SYDE2: variants seen among roughly 807,000 people sequenced by gnomAD.
SYDE2 encodes synapse defective Rho GTPase homolog 2.
SYDE2 carries 76 observed loss-of-function variants against 91.5 expected under a neutral mutation model. The ratio of observed to expected loss-of-function variants is 0.83; its 90% CI spans 0.69 to 1.01. The LOEUF (loss-of-function observed/expected upper bound fraction) is 1.01, where lower values mean the gene tolerates loss of function less well. Ranked by LOEUF, SYDE2 falls within the 50% of genes least tolerant of loss-of-function variation. The pLI, the probability that SYDE2 is intolerant of heterozygous loss-of-function variation, is 0.00. For synonymous variants in SYDE2, 513 were observed against 506.4 expected (o/e 1.01, Z -0.18); for missense variants, 1,364 against 1,367.7 (o/e 1.00, Z 0.04).
In SYDE2 at chr1:85,164,518, T is replaced by C; in HGVS notation, c.3085+8A>G. 6.5e-7 allele frequency: 1 copy of C among 1,546,402 alleles called. No individual in the cohort carries two copies. The highest frequency in any genetic ancestry group is 1.4e-5 in the African/African-American group (1 of 72,564). On this transcript the variant is annotated splice_region_variant and intron_variant, in intron 6 of 6. Coordinates refer to ENST00000341460, the MANE Select transcript of SYDE2 (RefSeq NM_032184.2). ...GAAAGTGAAAAACATTTCCATAGAA[T>C]CATTTACCTGGCCAGAGTTGGAGTA...
intron 3 of SYDE2, among the ~76,000 whole-genome samples, chr1:85,179,415 A>G (rs1296910782): frequency 6.6e-6 from 1 of 152,220 alleles, no homozygotes; most frequent in African/African-American, 2.4e-5. Flanking sequence ...AGAAAGTGTC[A>G]ATAGATACAG....
chr1:85,158,825 T>C lies in SYDE2; in HGVS notation c.3510A>G (p.Leu1170=). The C allele has an allele frequency of 1.3e-6, 1 of 774,946 alleles. No homozygotes were observed. The highest frequency in any genetic ancestry group is 2.4e-6 in the Non-Finnish European group (1 of 416,202). The allele number at this position is 774,946 out of a possible 1,614,324, so 48.0% of individuals were successfully genotyped here. ...TVDRKNNLKD[L]QESIDTLIGN... ...CAATCAAAGTATCAATACTTTCTTG[T>C]AGATCTTTGAGATTGTTTTTTCGAT... is the stretch of plus-strand genomic sequence containing the variant. The change falls in exon 7 of 7, where the codon CTA becomes CTG. Residue 1170 remains leucine, a synonymous_variant. Transcript: ENST00000341460.
downstream of SYDE2, among the ~76,000 whole-genome samples, chr1:85,155,484 T>A (rs1656860208): frequency 2.0e-5 from 3 of 148,212 alleles, no homozygotes; most frequent in South Asian, 6.3e-4. Context: ...ATTGAAAGAT[T>A]TTTTTTAAAA....
chr1:85,190,124 C>G lies in SYDE2; in HGVS notation c.1374G>C (p.Lys458Asn), dbSNP rs1373202768. The G allele has an allele frequency of 1.2e-6, 2 of 1,613,948 alleles. No individual in the cohort carries two copies. Among genetic ancestry groups the G allele is most frequent in the Non-Finnish European group, 1.7e-6 (2 of 1,179,870 alleles). Reference sequence around the variant, plus strand: ...TACCTTCTTGTGTCTTGTGTCCTAGCTTTTGCTTGTACTGCTGCACAAATT... The same window carrying G: ...TACCTTCTTGTGTCTTGTGTCCTAGGTTTTGCTTGTACTGCTGCACAAATT... ...STEFVQQYKQ[K>N]LGHKTQEGIM... The change falls in exon 2 of 7, where the codon AAG (lysine) becomes AAC (asparagine). Residue 458 changes from lysine to asparagine, a missense_variant. Transcript: ENST00000341460.
At chr1:85,176,448 A>G (rs1012036258) in intron 4 of SYDE2, among the ~76,000 whole-genome samples, 24 of 152,304 alleles carry the variant, frequency 1.6e-4, no homozygotes, top group South Asian at 4.1e-4. Flanking sequence ...ACAGTCATTC[A>G]GCACTCAAAG....
At chr1:85,155,009 C>CAAAAAAAAAAAAAAAAAAAAAAAA, downstream of SYDE2, among the ~76,000 whole-genome samples, 3 of 80,670 alleles carry the variant, frequency 3.7e-5, no homozygotes, top group Admixed American at 1.2e-4. Context: ...AAGAATGCAG[C>CAAAAAAAAAAAAAAAAAAAAAAAA]AAAAAAAAAA....
At position 85,162,465 on chromosome 1, in the gene SYDE2, CTG is replaced by C. The variant is rs145741101; in HGVS notation, c.3085+2059_3085+2060del. On this transcript the variant is annotated intron_variant, in intron 6 of 6. Coordinates refer to ENST00000341460, the MANE Select transcript of SYDE2 (RefSeq NM_032184.2). The stretch of plus-strand genomic sequence containing the variant: ...ACAGCAGGTGATTGACAGGGTAAAA[CTG>C]TTGTTTCTTCTCAACTTTCTGCCCT... 3.3e-3 allele frequency among the ~76,000 whole-genome samples: 498 copies of C among 152,264 alleles called. 1 individual carries two copies. Among genetic ancestry groups the C allele is most frequent in the African/African-American group, 0.012 (478 of 41,564 alleles).
At chr1:85,175,874 T>C (rs1657677759) in intron 4 of SYDE2, among the ~76,000 whole-genome samples, 1 of 152,206 alleles carries the variant, frequency 6.6e-6, no homozygotes, top group Non-Finnish European at 1.5e-5. Context: ...AAAATAGTTC[T>C]AAATTCTTCT....
At chr1:85,161,165 T>A (rs893540103) in intron 6 of SYDE2, 4 of 955,386 alleles carry the variant, frequency 4.2e-6, no homozygotes, top group Non-Finnish European at 3.7e-6. Flanking sequence ...GAAAAAGAAT[T>A]CAAAATGTAA....
chr1:85,169,875 C>T (rs1337275439), intron 4 of SYDE2, among the ~76,000 whole-genome samples: 1 of 152,040 alleles, frequency 6.6e-6, no homozygotes, highest in Non-Finnish European at 1.5e-5. Context: ...TGCAAACATT[C>T]CACACGTAGT....
At chr1:85,184,463 A>G (rs992238421) in intron 2 of SYDE2, among the ~76,000 whole-genome samples, 1 of 152,230 alleles carries the variant, frequency 6.6e-6, no homozygotes, top group African/African-American at 2.4e-5. Context: ...GGGCACATCA[A>G]CGCAGTTAAA....
At chr1:85,194,640 A>G in intron 1 of SYDE2, 1 of 197,446 alleles carries the variant, frequency 5.1e-6, no homozygotes, top group South Asian at 1.7e-4. Flanking sequence ...GATTCTAATT[A>G]AAGTAATTTT....
intron 2 of SYDE2, among the ~76,000 whole-genome samples, chr1:85,184,698 T>C (rs1027761895): frequency 6.6e-6 from 1 of 151,968 alleles, no homozygotes; most frequent in Admixed American, 6.6e-5. Flanking sequence ...ACCCCATGTC[T>C]ACAAAAGATA....
intron 4 of SYDE2, among the ~76,000 whole-genome samples, chr1:85,171,113 T>G (rs896694027): frequency 6.6e-6 from 1 of 152,176 alleles, no homozygotes; most frequent in Non-Finnish European, 1.5e-5. Flanking sequence ...GAGAAGAGTT[T>G]CATTTTGAAC....
chr1:85,200,060 A>T, intron 1 of SYDE2, 192 bp downstream of exon 1: 1 of 846,196 alleles, frequency 1.2e-6, no homozygotes, highest in Non-Finnish European at 1.4e-6. Flanking sequence ...AGAAAAAAAA[A>T]AGCAAAACGA....
downstream of SYDE2, among the ~76,000 whole-genome samples, chr1:85,155,009 C>CAAAAAAAAAAAAAAAAAAAAAAAAGAAA: frequency 1.2e-5 from 1 of 80,676 alleles, no homozygotes; most frequent in Non-Finnish European, 2.3e-5. Context: ...AAGAATGCAG[C>CAAAAAAAAAAAAAAAAAAAAAAAAGAAA]AAAAAAAAAA....
chr1:85,182,907 T>C lies in SYDE2; in HGVS notation c.1735A>G (p.Asn579Asp). The C allele has an allele frequency of 6.2e-7, 1 of 1,613,838 alleles. No homozygotes were observed. The highest frequency in any genetic ancestry group is 8.5e-7 in the Non-Finnish European group (1 of 1,179,818). ...VHHTDILPSG[N>D]TTTAAKRNVI... Reference sequence around the variant, plus strand: ...TTCCTCTTAGCAGCGGTGGTTGTGTTCCCAGAGGGCAGAATATCAGTATGA... The same window carrying C: ...TTCCTCTTAGCAGCGGTGGTTGTGTCCCCAGAGGGCAGAATATCAGTATGA... Residue 579 changes from asparagine (N) to aspartate (D), a missense_variant, in exon 3 of 7, where the codon AAC (asparagine) becomes GAC (aspartate). By Grantham distance (23) the Asn-to-Asp change is conservative. Coordinates refer to ENST00000341460, the MANE Select transcript of SYDE2 (RefSeq NM_032184.2).
At chr1:85,200,165 T>C (rs1658759844) in intron 1 of SYDE2, 87 bp downstream of exon 1, 2 of 1,585,328 alleles carry the variant, frequency 1.3e-6, no homozygotes, top group Non-Finnish European at 8.5e-7. Flanking sequence ...CGCAAAAACA[T>C]AACTTTTTCT....
At position 85,169,055 on chromosome 1, in the gene SYDE2, C is replaced by T. The variant is rs374905442; in HGVS notation, c.2842G>A (p.Glu948Lys). 5 of 1,613,702 alleles carry T rather than the reference C, an allele frequency of 3.1e-6. No homozygotes were observed. Among genetic ancestry groups the T allele is most frequent in the Non-Finnish European group, 4.2e-6 (5 of 1,179,762 alleles). ...CTGGTAATGCTTACCTTCTCAATCT[C>T]TGGCAGACAATCCAGCAGGTCAACA... ...YTVDLLDCLP[E>K]IEKATLKMLL... Residue 948 changes from glutamate to lysine, a missense_variant, in exon 5 of 7, where the codon GAG (glutamate) becomes AAG (lysine). Transcript: ENST00000341460.
Sources: allele counts gnomAD v4.1 joint callset (sites outside exome capture counted in the v4.1 genomes callset), GRCh38; gene constraint gnomAD v4.1.1; transcripts MANE v1.5; gene names NCBI Gene and HGNC (gene_info 2026-07-23, HGNC 2026-07-21).